PDGFD: variants seen among roughly 807,000 people sequenced by gnomAD.
The protein encoded by PDGFD is platelet-derived growth factor D.
In PDGFD, 30 loss-of-function variants were observed where a neutral mutation model predicts 44.7. The ratio of observed to expected loss-of-function variants is 0.67; its 90% confidence interval spans 0.50 to 0.91. The LOEUF is 0.91. Ranked by LOEUF, PDGFD falls within the 40% of genes least tolerant of loss-of-function variation. The probability of loss-of-function intolerance (pLI) is 0.00; values close to 1 mark genes in which losing one functional copy is unlikely to be tolerated. For synonymous variants in PDGFD, 173 were observed against 168.4 expected, an observed-to-expected ratio of 1.03 and a Z score of -0.21; for missense variants, 445 against 457.8, an observed-to-expected ratio of 0.97 and a Z score of 0.25.
intron 3 of PDGFD, among the ~76,000 whole-genome samples, chr11:103,986,094 T>G (rs1859359104): frequency 6.6e-6 from 1 of 152,198 alleles, no homozygotes; most frequent in African/African-American, 2.4e-5. Context: ...GGCACAATCT[T>G]GAGTGGAGGT....
At chr11:103,995,594 T>C (rs1276341808) in intron 3 of PDGFD, among the ~76,000 whole-genome samples, 3 of 152,198 alleles carry the variant, frequency 2.0e-5, no homozygotes, top group Middle Eastern at 3.2e-3. Flanking sequence ...TCTATGATTA[T>C]AACACAGACC....
At chr11:104,138,993 C>T (rs1332569618) in intron 1 of PDGFD, among the ~76,000 whole-genome samples, 6 of 152,122 alleles carry the variant, frequency 3.9e-5, no homozygotes, top group Admixed American at 6.5e-5. Context: ...AACTCCTGAC[C>T]TCAGGTGATC....
At chr11:104,050,564 C>G (rs1303117443) in intron 1 of PDGFD, among the ~76,000 whole-genome samples, 10 of 152,156 alleles carry the variant, frequency 6.6e-5, no homozygotes, top group African/African-American at 2.4e-4. Flanking sequence ...CACCCTTGGG[C>G]AAGGCACCAA....
rs769639743 is a variant in PDGFD, at chr11:103,947,685, C to T, written c.550G>A (p.Glu184Lys). Reference protein sequence around the residue: ...QPAAASETNWESVTSSISGVS... With the variant: ...QPAAASETNWKSVTSSISGVS... Reference sequence around the variant, plus strand: ...ACTGAAATAGAGCTTGTGACAGATTCCCAGTTGGTCTCTGAAGCTGCTGCG... The same window carrying T: ...ACTGAAATAGAGCTTGTGACAGATTTCCAGTTGGTCTCTGAAGCTGCTGCG... The change falls in exon 4 of 7, where the codon GAA becomes AAA. Residue 184 changes from glutamate (E) to lysine (K), a missense_variant. Physicochemically the swap from Glu to Lys is moderately conservative, Grantham distance 56. Coordinates refer to ENST00000393158, the MANE Select transcript of PDGFD (RefSeq NM_025208.5). 3 of 1,613,504 alleles carry T rather than the reference C, an allele frequency of 1.9e-6. No individual in the cohort carries two copies. The highest frequency in any genetic ancestry group is 2.5e-6 in the Non-Finnish European group (3 of 1,179,558).
intron 3 of PDGFD, among the ~76,000 whole-genome samples, chr11:103,966,240 T>G (rs6591063): frequency 0.15 from 22,326 of 152,076 alleles, 1,747 homozygotes; most frequent in African/African-American, 0.2. Flanking sequence ...AATACTGCAT[T>G]TAATCACAGT....
At chr11:104,146,810 T>C (rs1480346077) in intron 1 of PDGFD, among the ~76,000 whole-genome samples, 4 of 151,998 alleles carry the variant, frequency 2.6e-5, no homozygotes, top group Non-Finnish European at 5.9e-5. Flanking sequence ...ATATATCAGG[T>C]ACTATTCCAG....
chr11:103,959,006 C>T (rs117988896), intron 3 of PDGFD, among the ~76,000 whole-genome samples: 2,139 of 152,230 alleles, frequency 0.014, 23 homozygotes, highest in Middle Eastern at 0.027. Context: ...ACAGCTGGTA[C>T]GGTTCCATGA....
Position 103,926,968 on chromosome 11 carries a change from C to G in PDGFD, c.931G>C (p.Val311Leu). The change falls in exon 6 of 7, where the codon GTC becomes CTC. Residue 311 changes from valine (V) to leucine (L), a missense_variant. Val to Leu is a conservative substitution (Grantham distance 32). Coordinates refer to ENST00000393158, the MANE Select transcript of PDGFD (RefSeq NM_025208.5). ...RCGGNCGCGT[V>L]NWRSCTCNSG... The stretch of plus-strand genomic sequence containing the variant: ...TTGCATGTGCAGGACCTCCAGTTGA[C>G]AGTTCCACAGCCACAATTTCCTCCA... 1 of 1,614,192 alleles carries G rather than the reference C, an allele frequency of 6.2e-7. No homozygotes were observed. The highest frequency in any genetic ancestry group is 8.5e-7 in the Non-Finnish European group (1 of 1,180,038).
intron 1 of PDGFD, among the ~76,000 whole-genome samples, chr11:104,113,743 T>A (rs1861593999): frequency 6.6e-6 from 1 of 152,096 alleles, no homozygotes; most frequent in South Asian, 2.1e-4. Flanking sequence ...CCAGCTATAA[T>A]GAAAGTTCCT....
intron 5 of PDGFD, among the ~76,000 whole-genome samples, chr11:103,937,007 G>A (rs1180748281): frequency 1.3e-5 from 2 of 151,660 alleles, no homozygotes; most frequent in Non-Finnish European, 2.9e-5. Flanking sequence ...TGTATTTTTT[G>A]TAGAGACAGG....
intron 3 of PDGFD, among the ~76,000 whole-genome samples, chr11:103,949,411 G>A (rs541271329): frequency 1.4e-4 from 21 of 152,274 alleles, no homozygotes; most frequent in African/African-American, 3.6e-4. Context: ...TTCCCACAGC[G>A]GGAAGATGTG....
intron 1 of PDGFD, among the ~76,000 whole-genome samples, chr11:104,100,734 A>T (rs1358541911): frequency 6.6e-6 from 1 of 152,142 alleles, no homozygotes; most frequent in African/African-American, 2.4e-5. Context: ...CAGCAGCACA[A>T]CAAAAAGCTT....
chr11:104,089,155 TGAG>T (rs1469737131), intron 1 of PDGFD, among the ~76,000 whole-genome samples: 1 of 152,210 alleles, frequency 6.6e-6, no homozygotes, highest in African/African-American at 2.4e-5. Context: ...GAGTATTTCA[TGAG>T]GAGAATAGGT....
At chr11:104,135,491 C>T (rs11226197) in intron 1 of PDGFD, among the ~76,000 whole-genome samples, 19,831 of 152,082 alleles carry the variant, frequency 0.13, 1,428 homozygotes, top group East Asian at 0.29. Flanking sequence ...TGACTTAGCA[C>T]GCCAGAAGCT....
intron 4 of PDGFD, chr11:103,946,021 G>C (rs1056516621): frequency 5.9e-5 from 9 of 152,070 alleles, no homozygotes; most frequent in Non-Finnish European, 1.0e-4. Flanking sequence ...AACTATTTTT[G>C]AGAAAAAGAA....
chr11:103,911,119 G>C (rs1858022779), intron 6 of PDGFD, among the ~76,000 whole-genome samples: 1 of 152,208 alleles, frequency 6.6e-6, no homozygotes, highest in South Asian at 2.1e-4. Flanking sequence ...ATCTCCCTGG[G>C]ACAGAGAACC....
chr11:104,069,743 C>G (rs924508828), intron 1 of PDGFD, among the ~76,000 whole-genome samples: 5 of 152,182 alleles, frequency 3.3e-5, no homozygotes, highest in African/African-American at 7.2e-5. Flanking sequence ...GCCTGTAGTC[C>G]CAGCTACTCA....
intron 1 of PDGFD, among the ~76,000 whole-genome samples, chr11:104,065,289 T>C (rs1213166593): frequency 1.3e-5 from 2 of 152,140 alleles, no homozygotes; most frequent in Admixed American, 1.3e-4. Flanking sequence ...ATTATTTCTG[T>C]CCCTTTAGAG....
intron 1 of PDGFD, among the ~76,000 whole-genome samples, chr11:104,051,825 TA>T (rs202220097): frequency 2.6e-5 from 4 of 151,644 alleles, no homozygotes; most frequent in Admixed American, 1.3e-4. Context: ...ACTTAAAAAA[TA>T]AAAAAAAATT....
Sources: allele counts gnomAD v4.1 joint callset (sites outside exome capture counted in the v4.1 genomes callset), GRCh38; gene constraint gnomAD v4.1.1; transcripts MANE v1.5; gene names NCBI Gene and HGNC (gene_info 2026-07-23, HGNC 2026-07-21).